Variants in TMCO6 observed in about 807,000 individuals in gnomAD.
The protein encoded by TMCO6 is transmembrane and coiled-coil domains 6.
A neutral mutation model predicts 61.8 loss-of-function variants in TMCO6; 47 were observed. The ratio of observed to expected loss-of-function variants is 0.76; its 90% CI spans 0.60 to 0.97. TMCO6 has a LOEUF of 0.97. TMCO6 is among the 50% of genes least tolerant of loss of function. The pLI is 0.00. For missense variants in TMCO6, 557 were observed against 601.6 expected, an observed-to-expected ratio of 0.93 and a Z score of 0.78; for synonymous variants, 261 against 254.2, an observed-to-expected ratio of 1.03 and a Z score of -0.25.
chr5:140,605,283 T>G, the TMCO6 span, among the ~76,000 whole-genome samples: 1 of 152,174 alleles, frequency 6.6e-6, no homozygotes, highest in Non-Finnish European at 1.5e-5. Flanking sequence ...CAAATACAAT[T>G]TTACTTCTTC....
the TMCO6 span, among the ~76,000 whole-genome samples, chr5:140,600,842 T>A: frequency 6.6e-6 from 1 of 152,176 alleles, no homozygotes; most frequent in Non-Finnish European, 1.5e-5. Flanking sequence ...AATATCCCCA[T>A]ACTACATTCA....
At chr5:140,641,540 A>G in intron 2 of TMCO6, 125 bp from the exon 3 acceptor site, 1 of 736,370 alleles carries the variant, frequency 1.4e-6, no homozygotes. Context: ...TATTAGTTGC[A>G]TTAGTGTGAA....
At chr5:140,632,662 C>A in the TMCO6 span, 1 of 1,613,836 alleles carries the variant, frequency 6.2e-7, no homozygotes. The surrounding 1 kb of genome is among the most constrained non-coding windows in gnomAD (Gnocchi z 6.2). Flanking sequence ...CGCAGGGCGC[C>A]TACCAGTAGC....
chr5:140,614,963 G>A, the TMCO6 span, among the ~76,000 whole-genome samples: 1 of 152,092 alleles, frequency 6.6e-6, no homozygotes, highest in East Asian at 1.9e-4. Context: ...CAAGTAGGCA[G>A]GAAAAAGAAA....
rs753784854 is a variant in TMCO6, at chr5:140,644,012, A to G, written c.1105+46A>G. On this transcript the variant is annotated intron_variant, in intron 9 of 11. Transcript: ENST00000394671. ...AGGCCTGGACATTTGGATAATGGGGATATTTCCTCATGGCCTAGGCTGAGG... is the reference window on the plus strand; with the variant it reads ...AGGCCTGGACATTTGGATAATGGGGGTATTTCCTCATGGCCTAGGCTGAGG... The G allele has an allele frequency of 3.1e-6, 5 of 1,613,270 alleles. No individual in the cohort carries two copies. In the African/African-American group the frequency reaches 4.0e-5, roughly 13 times the overall value.
At chr5:140,637,573 C>T (rs1313512680), upstream of TMCO6, among the ~76,000 whole-genome samples, 1 of 152,160 alleles carries the variant, frequency 6.6e-6, no homozygotes, top group South Asian at 2.1e-4. Flanking sequence ...ACCCGAGTGA[C>T]CGTTTCAGGC....
chr5:140,612,196 A>G, the TMCO6 span, among the ~76,000 whole-genome samples: 1 of 152,182 alleles, frequency 6.6e-6, no homozygotes, highest in Non-Finnish European at 1.5e-5. Flanking sequence ...GTCACATCAC[A>G]CCAACCATCC....
intron 10 of TMCO6, 23 bp from the exon 11 acceptor site, chr5:140,644,550 A>G (rs1232814454): frequency 6.2e-7 from 1 of 1,605,774 alleles, no homozygotes; most frequent in African/African-American, 1.3e-5. Flanking sequence ...TTCTTTGTAG[A>G]CTATATATGT....
chr5:140,616,367 C>T, the TMCO6 span, among the ~76,000 whole-genome samples: 3 of 152,064 alleles, frequency 2.0e-5, no homozygotes, highest in Non-Finnish European at 4.4e-5. Context: ...CAAGACCAGC[C>T]TGGGCAACAT....
At chr5:140,641,486 A>T (rs1407370061) in intron 2 of TMCO6, 179 bp from the exon 3 acceptor site, 1 of 613,854 alleles carries the variant, frequency 1.6e-6, no homozygotes, top group East Asian at 2.8e-5. Context: ...TGGTATTAGA[A>T]CTCAGTTCTG....
chr5:140,632,632 G>T, the TMCO6 span: 1 of 1,613,854 alleles, frequency 6.2e-7, no homozygotes, highest in South Asian at 1.1e-5. The surrounding 1 kb of genome is among the most constrained non-coding windows in gnomAD (Gnocchi z 6.2). Flanking sequence ...AGTTCCTTGA[G>T]GCGGGAGTAC....
At chr5:140,639,652 G>A (rs1037506398) in intron 1 of TMCO6, 40 bp downstream of exon 1, 3 of 1,539,610 alleles carry the variant, frequency 1.9e-6, no homozygotes, top group Non-Finnish European at 2.6e-6. Flanking sequence ...TATGGCGGTC[G>A]GGGATAAGTT....
chr5:140,601,741 G>T, the TMCO6 span, among the ~76,000 whole-genome samples: 1 of 151,868 alleles, frequency 6.6e-6, no homozygotes, highest in South Asian at 2.1e-4. Flanking sequence ...TTAAAAGGCA[G>T]ATTTCAGGCG....
intron 2 of TMCO6, among the ~76,000 whole-genome samples, chr5:140,640,693 G>A (rs1260273459): frequency 6.6e-6 from 1 of 152,122 alleles, no homozygotes; most frequent in Non-Finnish European, 1.5e-5. Flanking sequence ...CACTGTGCCC[G>A]GCCACCTACT....
the TMCO6 span, among the ~76,000 whole-genome samples, chr5:140,605,672 T>A: frequency 6.7e-6 from 1 of 148,342 alleles, no homozygotes; most frequent in Non-Finnish European, 1.5e-5. Flanking sequence ...AGAGCGAGAC[T>A]CTGTCTCAAA....
At chr5:140,633,186 G>C in the TMCO6 span, 1 of 1,341,190 alleles carries the variant, frequency 7.5e-7, no homozygotes. Context: ...GAACTCTTCG[G>C]CTGCCTCTGA....
At chr5:140,646,865 A>AG (rs1757431372), downstream of TMCO6, among the ~76,000 whole-genome samples, 1 of 152,214 alleles carries the variant, frequency 6.6e-6, no homozygotes, top group East Asian at 1.9e-4. Flanking sequence ...TAAATGAGTT[A>AG]GGCAGGGAAG....
chr5:140,619,702 C>T, the TMCO6 span, among the ~76,000 whole-genome samples: 2 of 152,122 alleles, frequency 1.3e-5, no homozygotes, highest in Non-Finnish European at 2.9e-5. Context: ...GTGCCTCTAA[C>T]CTAACTGGGC....
chr5:140,607,501 A>AC, the TMCO6 span, among the ~76,000 whole-genome samples: 2 of 152,190 alleles, frequency 1.3e-5, no homozygotes, highest in Admixed American at 1.3e-4. Context: ...TGATATGAAC[A>AC]TTTTGGTACA....
Sources: gnomAD v4.1 joint callset for allele counts (sites outside exome capture counted in the v4.1 genomes callset) on GRCh38, gnomAD v4.1.1 for gene constraint, Gnocchi (gnomAD v3.1) non-coding constraint, MANE v1.5 for transcripts, NCBI Gene and HGNC (gene_info 2026-07-23, HGNC 2026-07-21) for gene names.